FHOD3: variants seen among roughly 807,000 people sequenced by gnomAD.
The protein encoded by FHOD3 is formin homology 2 domain containing 3.
A neutral mutation model predicts 173.0 loss-of-function variants in FHOD3; 90 were observed. That is an observed-to-expected ratio of 0.52 (90% CI 0.44 to 0.62). FHOD3 has a LOEUF of 0.62. FHOD3 is among the 20% of genes least tolerant of loss of function. The pLI is 0.00. For synonymous variants in FHOD3, 828 were observed against 823.0 expected (o/e 1.01, Z -0.10); for missense variants, 1,945 against 2,034.7 (o/e 0.96, Z 0.85).
intron 10 of FHOD3, among the ~76,000 whole-genome samples, chr18:36,629,487 C>G (rs2034352371): frequency 6.6e-6 from 1 of 152,198 alleles, no homozygotes; most frequent in South Asian, 2.1e-4. Context: ...TTGCCAACCC[C>G]TGTCCCAAGG....
chr18:36,369,504 T>G (rs1398609989), intron 2 of FHOD3, among the ~76,000 whole-genome samples: 9 of 129,316 alleles, frequency 7.0e-5, no homozygotes, highest in Admixed American at 1.5e-4. Context: ...CACACATATA[T>G]ATAGAGAGAG....
chr18:36,377,607 A>T (rs931539783), intron 3 of FHOD3, among the ~76,000 whole-genome samples: 1 of 152,188 alleles, frequency 6.6e-6, no homozygotes, highest in Non-Finnish European at 1.5e-5. Flanking sequence ...CCCATGGAGC[A>T]CTGTGTGCTG....
intron 3 of FHOD3, among the ~76,000 whole-genome samples, chr18:36,462,547 G>A (rs2052622203): frequency 6.6e-6 from 1 of 151,934 alleles, no homozygotes. Flanking sequence ...TAGCAAGGAT[G>A]GTCTCAATCT....
At chr18:36,593,300 G>A (rs555063330) in intron 6 of FHOD3, among the ~76,000 whole-genome samples, 79 of 152,162 alleles carry the variant, frequency 5.2e-4, no homozygotes, top group Non-Finnish European at 9.4e-4. Flanking sequence ...GTGGAGCCAG[G>A]GGCTGTAGCA....
intron 6 of FHOD3, among the ~76,000 whole-genome samples, chr18:36,582,341 C>T (rs949572897): frequency 3.3e-5 from 5 of 152,222 alleles, no homozygotes; most frequent in Middle Eastern, 3.4e-3. Flanking sequence ...TTGTAAGTTA[C>T]GTAATGTAAA....
chr18:36,566,868 A>G (rs1211702639), intron 5 of FHOD3, among the ~76,000 whole-genome samples: 1 of 149,814 alleles, frequency 6.7e-6, no homozygotes, highest in Non-Finnish European at 1.5e-5. Context: ...GACCTACAGG[A>G]AAAAAAAAAT....
chr18:36,624,406 C>T (rs556455940), intron 9 of FHOD3, among the ~76,000 whole-genome samples: 258 of 152,296 alleles, frequency 1.7e-3, no homozygotes, highest in African/African-American at 5.9e-3. Context: ...GACACCAAAA[C>T]TTGTATTCTT....
chr18:36,381,798 G>A (rs2047805569), intron 3 of FHOD3, among the ~76,000 whole-genome samples: 1 of 152,212 alleles, frequency 6.6e-6, no homozygotes, highest in Non-Finnish European at 1.5e-5. Context: ...CCTTTGCCCT[G>A]TTCTCAGGAA....
intron 18 of FHOD3, chr18:36,709,681 A>G (rs1301015279): frequency 2.5e-6 from 1 of 394,704 alleles, no homozygotes; most frequent in African/African-American, 2.0e-5. Flanking sequence ...TTCCTGAGGA[A>G]TAAGCCCCAG....
At chr18:36,637,680 A>G in intron 10 of FHOD3, among the ~76,000 whole-genome samples, 1 of 152,248 alleles carries the variant, frequency 6.6e-6, no homozygotes, top group East Asian at 1.9e-4. Context: ...AAATATGAGT[A>G]GCTTTAGAAG....
intron 28 of FHOD3, 29 bp downstream of exon 28, chr18:36,769,455 T>G: frequency 6.2e-7 from 1 of 1,608,768 alleles, no homozygotes; most frequent in Non-Finnish European, 8.5e-7. Flanking sequence ...GGGCGAGCCT[T>G]CACCCCTACA....
intron 1 of FHOD3, among the ~76,000 whole-genome samples, chr18:36,347,247 C>G (rs1014390457): frequency 2.0e-5 from 3 of 152,194 alleles, no homozygotes; most frequent in African/African-American, 7.2e-5. Flanking sequence ...TATATTCCAG[C>G]TTTTTCAAGG....
intron 5 of FHOD3, among the ~76,000 whole-genome samples, chr18:36,574,775 T>A (rs2058584822): frequency 6.6e-6 from 1 of 152,172 alleles, no homozygotes; most frequent in Non-Finnish European, 1.5e-5. Flanking sequence ...ATGAGCATCA[T>A]TTAAAAATTA....
chr18:36,444,877 A>G (rs1473239275), intron 3 of FHOD3, among the ~76,000 whole-genome samples: 11 of 152,330 alleles, frequency 7.2e-5, no homozygotes, highest in African/African-American at 2.4e-4. Context: ...ATATTTTGCA[A>G]TTACAAACAA....
chr18:36,700,432 G>A (rs555226782), intron 17 of FHOD3, among the ~76,000 whole-genome samples: 2 of 152,238 alleles, frequency 1.3e-5, no homozygotes, highest in Admixed American at 6.5e-5. Flanking sequence ...GCTATCTCTC[G>A]TGGCCCAATC....
At chr18:36,697,304 C>T (rs1448984046) in intron 17 of FHOD3, among the ~76,000 whole-genome samples, 1 of 152,170 alleles carries the variant, frequency 6.6e-6, no homozygotes, top group Admixed American at 6.5e-5. Flanking sequence ...GAACTATGTT[C>T]CCTCCTTGCT....
At chr18:36,721,276 A>C (rs1399144422) in intron 19 of FHOD3, among the ~76,000 whole-genome samples, 2 of 152,272 alleles carry the variant, frequency 1.3e-5, no homozygotes, top group Non-Finnish European at 2.9e-5. Flanking sequence ...TCTTTGGGAT[A>C]GGAAATGTGA....
At chr18:36,536,101 A>C (rs1219656712) in intron 5 of FHOD3, among the ~76,000 whole-genome samples, 1 of 152,192 alleles carries the variant, frequency 6.6e-6, no homozygotes, top group Admixed American at 6.5e-5. Flanking sequence ...ATTGATTATA[A>C]ATGTTTATCT....
At chr18:36,573,901 A>G (rs1169744625) in intron 5 of FHOD3, among the ~76,000 whole-genome samples, 1 of 152,206 alleles carries the variant, frequency 6.6e-6, no homozygotes, top group Non-Finnish European at 1.5e-5. Context: ...TTCCCAAATC[A>G]TGATGACTGG....
Sources: gnomAD v4.1 joint callset for allele counts (sites outside exome capture counted in the v4.1 genomes callset) on GRCh38, gnomAD v4.1.1 for gene constraint, MANE v1.5 for transcripts, NCBI Gene and HGNC (gene_info 2026-07-23, HGNC 2026-07-21) for gene names.